Variants in EFNA1 observed in about 807,000 individuals in gnomAD.
EFNA1 encodes ephrin A1, also known as ephrin-A1.
A neutral mutation model predicts 23.2 loss-of-function variants in EFNA1; 8 were observed. The ratio of observed to expected loss-of-function variants is 0.34; its 90% CI spans 0.20 to 0.62. The LOEUF is 0.62. Ranked by LOEUF, EFNA1 falls within the 20% of genes least tolerant of loss-of-function variation. The pLI is 0.75. For missense variants in EFNA1, 217 were observed against 260.0 expected (o/e 0.83, Z 1.14); for synonymous variants, 89 against 98.6 (o/e 0.90, Z 0.58).
chr1:155,128,087 C>T lies in EFNA1; in HGVS notation c.92+18C>T. The T allele has an allele frequency of 3.1e-6, 5 of 1,610,254 alleles. No homozygotes were observed. Among genetic ancestry groups the T allele is most frequent in the South Asian group, 1.1e-5 (1 of 90,952 alleles). The stretch of plus-strand genomic sequence containing the variant: ...AATCCCAAGTAAGCCTCGAGACTCC[C>T]GCTGGCAGCCTGGGCTCCCGGCTGG... On this transcript the variant is annotated intron_variant, in intron 1 of 4. Coordinates refer to ENST00000368407, the MANE Select transcript of EFNA1 (RefSeq NM_004428.3).
intron 1 of EFNA1, 34 bp from the exon 2 acceptor site, chr1:155,131,305 A>T (rs777131937): frequency 6.3e-7 from 1 of 1,584,500 alleles, no homozygotes; most frequent in Non-Finnish European, 8.6e-7. Flanking sequence ...CTTCTGAATG[A>T]CCACCTGCTT....
intron 1 of EFNA1, chr1:155,131,028 A>G (rs1179791160): frequency 2.0e-6 from 2 of 985,296 alleles, no homozygotes; most frequent in African/African-American, 3.5e-5. Context: ...AGCTACAGAA[A>G]TAGGTAGAAG....
chr1:155,128,743 A>G (rs901673877), intron 1 of EFNA1, among the ~76,000 whole-genome samples: 4 of 152,216 alleles, frequency 2.6e-5, no homozygotes, highest in East Asian at 3.8e-4. Context: ...AATGAACAGA[A>G]GAGGTTAAAG....
At chr1:155,130,158 G>A (rs2102470480) in intron 1 of EFNA1, among the ~76,000 whole-genome samples, 1 of 152,368 alleles carries the variant, frequency 6.6e-6, no homozygotes, top group South Asian at 2.1e-4. Flanking sequence ...TGATTGGGCA[G>A]TGGGTGCCCA....
intron 2 of EFNA1, 72 bp downstream of exon 2, chr1:155,131,706 G>A (rs1408358621): frequency 4.6e-6 from 7 of 1,525,834 alleles, no homozygotes; most frequent in Admixed American, 3.7e-5. Context: ...TACATGCTTG[G>A]TGTAGAGTCC....
chr1:155,133,161 G>A (rs1434797056), intron 2 of EFNA1, among the ~76,000 whole-genome samples: 31 of 151,972 alleles, frequency 2.0e-4, no homozygotes, highest in Admixed American at 1.5e-3. Context: ...CGCCCACCTC[G>A]GCCTCTCAAA....
chr1:155,131,256 G>T, intron 1 of EFNA1, 83 bp from the exon 2 acceptor site: 3 of 1,498,204 alleles, frequency 2.0e-6, no homozygotes. Flanking sequence ...AAATGTGAGA[G>T]GTCATGTAAA....
At chr1:155,132,462 G>A (rs186671873) in intron 2 of EFNA1, among the ~76,000 whole-genome samples, 1 of 151,872 alleles carries the variant, frequency 6.6e-6, no homozygotes, top group East Asian at 2.0e-4. Flanking sequence ...TGGTCAGACT[G>A]GTCTCGAACT....
At chr1:155,131,315 T>G in intron 1 of EFNA1, 24 bp from the exon 2 acceptor site, 1 of 1,590,520 alleles carries the variant, frequency 6.3e-7, no homozygotes, top group East Asian at 2.3e-5. Context: ...ACCACCTGCT[T>G]CTTCCCCCTG....
At chr1:155,129,010 C>A (rs181814929) in intron 1 of EFNA1, among the ~76,000 whole-genome samples, 2 of 152,324 alleles carry the variant, frequency 1.3e-5, no homozygotes, top group East Asian at 1.9e-4. Context: ...GCTTGCCCCC[C>A]ACTCCCCTTG....
chr1:155,130,179 C>A (rs966675224), intron 1 of EFNA1, among the ~76,000 whole-genome samples: 8 of 152,218 alleles, frequency 5.3e-5, no homozygotes, highest in African/African-American at 1.9e-4. Flanking sequence ...CCTCCGAGTC[C>A]TCTCTGCCTG....
At chr1:155,133,432 G>A (rs1664282565) in intron 2 of EFNA1, 71 bp from the exon 3 acceptor site, 25 of 1,534,632 alleles carry the variant, frequency 1.6e-5, no homozygotes, top group Middle Eastern at 1.7e-4. Flanking sequence ...AAAGCAGGGC[G>A]AGGGGCATTT....
At chr1:155,131,055 G>GT in intron 1 of EFNA1, 1 of 1,215,334 alleles carries the variant, frequency 8.2e-7, no homozygotes. Context: ...TAAATATCAG[G>GT]TAAGTATCAG....
Position 155,127,954 on chromosome 1 carries a change from C to T in EFNA1, c.-24C>T. The T allele has an allele frequency of 3.1e-6, 5 of 1,604,900 alleles. No homozygotes were observed. The Admixed American group carries it at 6.7e-5, about 21-fold the overall frequency. On this transcript the variant is annotated 5_prime_UTR_variant, in exon 1 of 5. Coordinates refer to ENST00000368407, the MANE Select transcript of EFNA1 (RefSeq NM_004428.3). This position sits in a 1 kb window ranked among gnomAD's most constrained non-coding sequence, Gnocchi z 4.4. ...GACCCATAGGAGACCCGCGTCCCCG[C>T]TCGGCCTGGCCAGGCCCCGCGCTAT... is the stretch of plus-strand genomic sequence containing the variant.
rs752190106 is a variant in EFNA1 at position 155,131,323 on chromosome 1, CT to C, written c.93-15del. The C allele has an allele frequency of 1.3e-6, 2 of 1,577,614 alleles. No individual in the cohort carries two copies. Among genetic ancestry groups the C allele is most frequent in the African/African-American group, 1.3e-5 (1 of 74,550 alleles). ...CTGAATGACCACCTGCTTCTTCCCC[CT>C]GTGTGTGTCCCCAGGTTCCGGAATG... On this transcript the variant is annotated splice_polypyrimidine_tract_variant and intron_variant, in intron 1 of 4. Coordinates refer to ENST00000368407, the MANE Select transcript of EFNA1 (RefSeq NM_004428.3).
In EFNA1 at chr1:155,128,036, G is replaced by A. The variant is rs1226025324; in HGVS notation, c.59G>A (p.Arg20His). Residue 20 changes from arginine to histidine, a missense_variant, in exon 1 of 5, where the codon CGC becomes CAC. Coordinates refer to ENST00000368407, the MANE Select transcript of EFNA1 (RefSeq NM_004428.3). ...TGCTGCAGTCTGGCCGCTGCTGATC[G>A]CCACACCGTCTTCTGGAACAGTTCA... ...GLCCSLAAAD[R>H]HTVFWNSSNP... 1 of 1,613,652 alleles carries A rather than the reference G, an allele frequency of 6.2e-7. No homozygotes were observed. Among genetic ancestry groups the A allele is most frequent in the Non-Finnish European group, 8.5e-7 (1 of 1,179,964 alleles).
At chr1:155,133,215 T>C (rs937453916) in intron 2 of EFNA1, among the ~76,000 whole-genome samples, 2 of 151,332 alleles carry the variant, frequency 1.3e-5, no homozygotes, top group Non-Finnish European at 2.9e-5. Flanking sequence ...GGCCTAGGAG[T>C]AGTATTAAGT....
rs977792741 is a variant in EFNA1 at position 155,134,847 on chromosome 1, GT to G, written c.*786del. On this transcript the variant is annotated 3_prime_UTR_variant, in exon 5 of 5. Coordinates refer to ENST00000368407, the MANE Select transcript of EFNA1 (RefSeq NM_004428.3). ...TCTTTGTCTCAAAATAAAGCAATGT[GT>G]TTTTTCGGACATGCTTTTCTGCCAC... 4 of 153,284 alleles carry G rather than the reference GT, an allele frequency of 2.6e-5. No individual in the cohort carries two copies. The East Asian group carries it at 7.5e-4, about 29-fold the overall frequency. The allele number at this position is 153,284 out of a possible 1,614,324, so 9.5% of individuals were successfully genotyped here. A position where few individuals can be genotyped will look rare whatever the true frequency, so the allele number is the denominator to read the frequency against.
At chr1:155,130,523 G>A (rs1328710743) in intron 1 of EFNA1, 4 of 984,888 alleles carry the variant, frequency 4.1e-6, no homozygotes, top group Non-Finnish European at 4.8e-6. Context: ...GGAGAGGGGA[G>A]AGGCTGTCTC....
Sources: allele counts gnomAD v4.1 joint callset (sites outside exome capture counted in the v4.1 genomes callset), GRCh38; gene constraint gnomAD v4.1.1; non-coding constraint Gnocchi (gnomAD v3.1); transcripts MANE v1.5; gene names NCBI Gene and HGNC (gene_info 2026-07-23, HGNC 2026-07-21).